Variants in KIF26A observed in about 807,000 individuals in gnomAD.
The protein encoded by KIF26A is kinesin family member 26A.
A neutral mutation model predicts 126.0 loss-of-function variants in KIF26A; 74 were observed. The observed-to-expected ratio is 0.59, with a 90% CI of 0.49 to 0.71. The LOEUF (loss-of-function observed/expected upper bound fraction) is 0.71, where lower values mean the gene tolerates loss of function less well. KIF26A is among the 30% of genes least tolerant of loss of function. The pLI is 0.00. For synonymous variants in KIF26A, 1,445 were observed against 1,232.7 expected, an observed-to-expected ratio of 1.17 and a Z score of -3.61; for missense variants, 2,984 against 2,763.3, an observed-to-expected ratio of 1.08 and a Z score of -1.79.
intron 3 of KIF26A, among the ~76,000 whole-genome samples, chr14:104,156,475 G>T (rs1294368122): frequency 1.3e-5 from 2 of 152,152 alleles, no homozygotes; most frequent in African/African-American, 2.4e-5. Context: ...AGTGGCTGGT[G>T]CCTAGGGCCC....
intron 4 of KIF26A, among the ~76,000 whole-genome samples, chr14:104,165,061 CTGTGTTTCTGTATGCATGTG>C (rs1566860548): frequency 2.0e-5 from 3 of 150,128 alleles, no homozygotes; most frequent in African/African-American, 7.4e-5. Flanking sequence ...CTGTGTGTCT[CTGTGTTTCTGTATGCATGTG>C]TGTGTTTCTA....
chr14:104,159,215 G>A (rs1465519922), intron 4 of KIF26A, among the ~76,000 whole-genome samples: 3 of 152,204 alleles, frequency 2.0e-5, no homozygotes, highest in Non-Finnish European at 4.4e-5. Context: ...GGAGCAGATG[G>A]GGGTCTTGCC....
In KIF26A at chr14:104,179,322, G is replaced by A. The variant is rs977848155; in HGVS notation, c.5403G>A (p.Leu1801=). 1.3e-6 allele frequency: 2 copies of A among 1,540,670 alleles called. No homozygotes were observed. The highest frequency in any genetic ancestry group is 8.7e-7 in the Non-Finnish European group (1 of 1,146,450). Reference sequence around the variant, plus strand: ...AGGTGCAGGCCAAGCACAAGCACCTGTGTGAGGAGCTGGCCGAGACCCAGG... The same window carrying A: ...AGGTGCAGGCCAAGCACAAGCACCTATGTGAGGAGCTGGCCGAGACCCAGG... ...LREVQAKHKH[L]CEELAETQGR... Residue 1801 remains leucine (L), a synonymous_variant, in exon 14 of 15, where the codon CTG becomes CTA. Coordinates refer to ENST00000423312, the MANE Select transcript of KIF26A (RefSeq NM_015656.2).
At chr14:104,174,853 T>G in intron 11 of KIF26A, 129 bp from the exon 12 acceptor site, 3 of 947,040 alleles carry the variant, frequency 3.2e-6, no homozygotes, top group Non-Finnish European at 4.6e-6. Context: ...TGGTGGGACA[T>G]GGTTGGTGGT....
chr14:104,155,435 C>A (rs541127526), intron 3 of KIF26A, among the ~76,000 whole-genome samples: 4 of 152,116 alleles, frequency 2.6e-5, no homozygotes, highest in Non-Finnish European at 4.4e-5. Context: ...ATGCTTGGGG[C>A]CCTTGGCTCT....
chr14:104,173,561 C>A, intron 9 of KIF26A, 48 bp downstream of exon 9: 1 of 1,509,500 alleles, frequency 6.6e-7, no homozygotes, highest in Non-Finnish European at 8.9e-7. Context: ...TGCGTGTCAG[C>A]AGAGACCCAG....
chr14:104,159,513 G>A (rs2141101950), intron 4 of KIF26A, among the ~76,000 whole-genome samples: 1 of 152,352 alleles, frequency 6.6e-6, no homozygotes, highest in Admixed American at 6.5e-5. Context: ...GTGCGTTGGT[G>A]ACCTGGAGCC....
Position 104,177,664 on chromosome 14 carries a change from A to G in KIF26A, c.4876A>G (p.Ser1626Gly). Residue 1626 changes from serine to glycine, a missense_variant, in exon 12 of 15, where the codon AGC becomes GGC. Transcript: ENST00000423312. Reference protein sequence around the residue: ...VTAPRRPQRYSSGHGSDNSSV... With the variant: ...VTAPRRPQRYGSGHGSDNSSV... Reference sequence around the variant, plus strand: ...CGCCCCACGGCGGCCCCAGCGCTACAGCAGCGGCCATGGCAGCGACAACAG... The same window carrying G: ...CGCCCCACGGCGGCCCCAGCGCTACGGCAGCGGCCATGGCAGCGACAACAG... 1 of 1,529,622 alleles carries G rather than the reference A, an allele frequency of 6.5e-7. No homozygotes were observed. The highest frequency in any genetic ancestry group is 8.8e-7 in the Non-Finnish European group (1 of 1,142,736). 94.8% of individuals were successfully genotyped at this position (1,529,622 alleles called of 1,614,324 possible). A position where few individuals can be genotyped will look rare whatever the true frequency, so the allele number is the denominator to read the frequency against.
intron 13 of KIF26A, 90 bp downstream of exon 13, chr14:104,178,845 C>T (rs898204098): frequency 3.5e-5 from 26 of 753,542 alleles, no homozygotes; most frequent in Non-Finnish European, 5.0e-5. Flanking sequence ...CTCGCCAGGC[C>T]TCTGGGGGTG....
intron 2 of KIF26A, among the ~76,000 whole-genome samples, chr14:104,141,337 G>A (rs752521372): frequency 1.2e-4 from 19 of 152,222 alleles, no homozygotes; most frequent in Non-Finnish European, 2.8e-4. Context: ...GGCCCGTTTC[G>A]TATTTTTTAG....
intron 5 of KIF26A, among the ~76,000 whole-genome samples, chr14:104,168,155 G>A (rs1331437191): frequency 6.6e-6 from 1 of 152,182 alleles, no homozygotes; most frequent in Admixed American, 6.5e-5. Context: ...CTCCTGGGCA[G>A]CCACACCTTG....
rs773624981 is a variant in KIF26A, at chr14:104,139,142, C to T, written c.142C>T (p.Arg48Cys). 6.6e-7 allele frequency: 1 copy of T among 1,512,394 alleles called. No individual in the cohort carries two copies. The allele number at this position is 1,512,394 out of a possible 1,614,324, so 93.7% of individuals were successfully genotyped here. ...AGPDQDPCGS[R>C]PAPEGAGAGP... The stretch of plus-strand genomic sequence containing the variant: ...GCCCGACCAGGACCCATGCGGCAGC[C>T]GCCCTGCTCCCGAAGGCGCCGGGGC... Residue 48 changes from arginine to cysteine, a missense_variant, in exon 2 of 15, where the codon CGC becomes TGC. Arg to Cys is a radical substitution (Grantham distance 180). Coordinates refer to ENST00000423312, the MANE Select transcript of KIF26A (RefSeq NM_015656.2).
rs1674215966 is a variant in KIF26A, at chr14:104,177,711, G to C, written c.4923G>C (p.Leu1641=). Residue 1641 remains leucine, a synonymous_variant, in exon 12 of 15, where the codon CTG becomes CTC. Transcript: ENST00000423312. ...SDNSSVLSGE[L]PPAMGRTALF... is the part of the protein sequence containing the mutation. ...ACAGCAGCGTGCTGAGTGGAGAGCT[G>C]CCGCCCGCCATGGGCCGCACCGCCC... is the stretch of plus-strand genomic sequence containing the variant. The C allele has an allele frequency of 2.6e-6, 4 of 1,531,380 alleles. No individual in the cohort carries two copies. The allele number at this position is 1,531,380 out of a possible 1,614,324, so 94.9% of individuals were successfully genotyped here.
chr14:104,155,928 C>A (rs149058361), intron 3 of KIF26A, among the ~76,000 whole-genome samples: 6 of 152,230 alleles, frequency 3.9e-5, no homozygotes, highest in African/African-American at 9.6e-5. Context: ...CCTCCAGCCT[C>A]GGTGCCCCTG....
rs1329899045 is a variant in KIF26A, at chr14:104,175,787, C to G, written c.2999C>G (p.Pro1000Arg). The G allele has an allele frequency of 6.5e-7, 1 of 1,538,074 alleles. No individual in the cohort carries two copies. The highest frequency in any genetic ancestry group is 8.7e-7 in the Non-Finnish European group (1 of 1,146,332). Reference protein sequence around the residue: ...GSPMLPGATCPRLAAGSRCPE... With the variant: ...GSPMLPGATCRRLAAGSRCPE... ...CCGATGCTTCCTGGGGCCACCTGCC[C>G]CCGCCTGGCTGCTGGCAGTCGCTGT... The change falls in exon 12 of 15, where the codon CCC (proline) becomes CGC (arginine). Residue 1000 changes from proline (P) to arginine (R), a missense_variant. Physicochemically the swap from Pro to Arg is moderately radical, Grantham distance 103 (BLOSUM62 -2). Coordinates refer to ENST00000423312, the MANE Select transcript of KIF26A (RefSeq NM_015656.2).
At chr14:104,174,411 C>A in intron 11 of KIF26A, 101 bp downstream of exon 11, 1 of 1,201,140 alleles carries the variant, frequency 8.3e-7, no homozygotes, top group Non-Finnish European at 1.1e-6. Flanking sequence ...CAGCAGGTGG[C>A]CTGGAGCCTG....
chr14:104,179,510 C>A, intron 14 of KIF26A, 99 bp from the exon 15 acceptor site: 2 of 1,428,514 alleles, frequency 1.4e-6, no homozygotes, highest in Non-Finnish European at 1.8e-6. Context: ...CAGGGTCGGC[C>A]GGGCCAAGAT....
rs779293341 is a variant in KIF26A, at chr14:104,179,643, C to T, written c.5502C>T (p.Ala1834=). Residue 1834 remains alanine (A), a synonymous_variant, in exon 15 of 15, where the codon GCC becomes GCT. Transcript: ENST00000423312. ...ACCCGGAGCTGGAGCCCGAGTCGGCCGAGTACCTGGCGGCCCTGGAGCGAG... is the reference window on the plus strand; with the variant it reads ...ACCCGGAGCTGGAGCCCGAGTCGGCTGAGTACCTGGCGGCCCTGGAGCGAG... The part of the protein sequence containing the change: ...EVDPELEPES[A]EYLAALERAT... The T allele has an allele frequency of 3.4e-5, 52 of 1,544,116 alleles. No individual in the cohort carries two copies. The highest frequency in any genetic ancestry group is 2.7e-4 in the East Asian group (11 of 40,704).
chr14:104,165,543 G>GTTTC (rs1468176925), intron 4 of KIF26A, among the ~76,000 whole-genome samples: 12 of 139,348 alleles, frequency 8.6e-5, no homozygotes, highest in African/African-American at 2.5e-4. Context: ...TTGTGTCTAT[G>GTTTC]CGTGTGTGTG....
Sources: gnomAD v4.1 joint callset for allele counts (sites outside exome capture counted in the v4.1 genomes callset) on GRCh38, gnomAD v4.1.1 for gene constraint, MANE v1.5 for transcripts, NCBI Gene and HGNC (gene_info 2026-07-23, HGNC 2026-07-21) for gene names.